The following MTG2 variants were observed in gnomAD, a reference collection of about 807,000 sequenced individuals.
The protein encoded by MTG2 is mitochondrial ribosome-associated GTPase 2.
In MTG2, 23 loss-of-function variants were observed where a neutral mutation model predicts 28.6. That is an observed-to-expected ratio of 0.80 (90% CI 0.58 to 1.14). The LOEUF (loss-of-function observed/expected upper bound fraction) is 1.14. MTG2 is among the 50% of genes most tolerant of loss of function. The pLI is 0.00. For synonymous variants in MTG2, 260 were observed against 251.8 expected (o/e 1.03, Z -0.31); for missense variants, 539 against 552.0 (o/e 0.98, Z 0.24).
At chr20:62,195,021 C>A (rs1490393279) in intron 2 of MTG2, among the ~76,000 whole-genome samples, 1 of 152,190 alleles carries the variant, frequency 6.6e-6, no homozygotes, top group Non-Finnish European at 1.5e-5. Context: ...ACGGTGAAAC[C>A]CCGTCTCTAC....
chr20:62,196,051 G>A, intron 3 of MTG2, 102 bp downstream of exon 3: 1 of 1,423,592 alleles, frequency 7.0e-7, no homozygotes, highest in Non-Finnish European at 9.5e-7. Flanking sequence ...AGTGGCTTAT[G>A]CCTGTGATCC....
chr20:62,183,289 C>T (rs182811788), intron 1 of MTG2, among the ~76,000 whole-genome samples: 1 of 152,172 alleles, frequency 6.6e-6, no homozygotes, highest in Non-Finnish European at 1.5e-5. Context: ...CGCCTTGCTC[C>T]CCGGTCCTGC....
rs12625898 is a variant in MTG2, at chr20:62,201,940, C to T, written c.*863C>T. On this transcript the variant is annotated 3_prime_UTR_variant, in exon 7 of 7. Coordinates refer to ENST00000370823, the MANE Select transcript of MTG2 (RefSeq NM_015666.4). ...GGGTATAGTGAGGAGTGGAAGGAGA[C>T]GTGTGCCTGGTAATATGGGGCGGAA... The T allele has an allele frequency of 0.13, 20,466 of 152,216 alleles. 1,911 individuals are homozygous for T. The highest frequency in any genetic ancestry group is 0.5 in the East Asian group (2,584 of 5,144). The allele number at this position is 152,216 out of a possible 1,614,324, so 9.4% of individuals were successfully genotyped here.
Position 62,193,449 on chromosome 20 carries a change from G to A in MTG2, c.29G>A (p.Arg10Lys). Residue 10 changes from arginine (R) to lysine (K), a missense_variant, in exon 2 of 7, where the codon AGA becomes AAA. Arg to Lys is a conservative substitution (Grantham distance 26, BLOSUM62 2). Coordinates refer to ENST00000370823, the MANE Select transcript of MTG2 (RefSeq NM_015666.4). MAPARCFSA[R>K]LRTVFQGVGH... ...GCACCTGCAAGGTGTTTCTCAGCAA[G>A]ATTGAGGACCGTGTTTCAGGGCGTG... 1.2e-6 allele frequency: 2 copies of A among 1,614,200 alleles called. No homozygotes were observed. The highest frequency in any genetic ancestry group is 8.5e-7 in the Non-Finnish European group (1 of 1,180,030).
Position 62,186,799 on chromosome 20 carries a change from G to C in MTG2, c.-6+3742G>C, listed in dbSNP as rs140242894. 7.6e-3 allele frequency among the ~76,000 whole-genome samples: 1,160 copies of C among 152,012 alleles called. 5 individuals carry two copies. Among genetic ancestry groups the C allele is most frequent in the Non-Finnish European group, 0.012 (807 of 67,964 alleles). The stretch of plus-strand genomic sequence containing the variant: ...CCACCTCGGCCTCCCAAAGTGCTGG[G>C]ATTACAGGCATGAGCCACCGTGCCC... On this transcript the variant is annotated intron_variant, in intron 1 of 6. Coordinates refer to ENST00000370823, the MANE Select transcript of MTG2 (RefSeq NM_015666.4).
chr20:62,195,687 C>T (rs2058044746), intron 2 of MTG2, 115 bp from the exon 3 acceptor site: 2 of 1,254,816 alleles, frequency 1.6e-6, no homozygotes, highest in Admixed American at 2.2e-5. Context: ...GTGTCATTAA[C>T]CTCTAATTTT....
intron 1 of MTG2, among the ~76,000 whole-genome samples, chr20:62,184,254 A>T (rs2057791971): frequency 6.6e-6 from 1 of 152,056 alleles, no homozygotes; most frequent in Non-Finnish European, 1.5e-5. Flanking sequence ...GCTACTGGGG[A>T]GGCTGAGGCA....
In MTG2 at chr20:62,201,034, C is replaced by G. The variant is rs759425297; in HGVS notation, c.1178C>G (p.Ala393Gly). Reference sequence around the variant, plus strand: ...CTGAAGGTGCTGTATGACGCCTACGCGGAGGCCGAGCTGGGCCAGGGCCGC... The same window carrying G: ...CTGAAGGTGCTGTATGACGCCTACGGGGAGGCCGAGCTGGGCCAGGGCCGC... The part of the protein sequence containing the change: ...LHLKVLYDAY[A>G]EAELGQGRQP... The change falls in exon 7 of 7, where the codon GCG becomes GGG. Residue 393 changes from alanine to glycine, a missense_variant. Ala to Gly is a moderately conservative substitution (Grantham distance 60). Coordinates refer to ENST00000370823, the MANE Select transcript of MTG2 (RefSeq NM_015666.4). 2 of 1,607,772 alleles carry G rather than the reference C, an allele frequency of 1.2e-6. No homozygotes were observed. Among genetic ancestry groups the G allele is most frequent in the African/African-American group, 2.7e-5 (2 of 74,912 alleles).
At chr20:62,200,577 C>T (rs1375818614) in intron 6 of MTG2, 106 bp from the exon 7 acceptor site, 1 of 1,372,380 alleles carries the variant, frequency 7.3e-7, no homozygotes, top group Non-Finnish European at 9.8e-7. Flanking sequence ...GGAAATCCGC[C>T]TTCGCAGTGG....
chr20:62,191,525 C>T (rs569641353), intron 1 of MTG2, among the ~76,000 whole-genome samples: 1 of 152,258 alleles, frequency 6.6e-6, no homozygotes, highest in South Asian at 2.1e-4. Context: ...AGCAGAATGG[C>T]CAAGGACCCC....
chr20:62,193,321 C>A, intron 1 of MTG2, 95 bp from the exon 2 acceptor site: 1 of 1,221,190 alleles, frequency 8.2e-7, no homozygotes, highest in South Asian at 1.3e-5. Context: ...CAGAAACGTG[C>A]ACAAAGACCT....
intron 1 of MTG2, among the ~76,000 whole-genome samples, chr20:62,193,137 A>G (rs937736417): frequency 6.6e-6 from 1 of 152,204 alleles, no homozygotes; most frequent in East Asian, 1.9e-4. Context: ...GAACCTTGCT[A>G]TTCCATAAGA....
chr20:62,191,870 T>TG, intron 1 of MTG2, among the ~76,000 whole-genome samples: 1 of 152,222 alleles, frequency 6.6e-6, no homozygotes, highest in East Asian at 1.9e-4. Context: ...ACTGTGCCCT[T>TG]GGCACCTGCA....
Position 62,199,335 on chromosome 20 carries a change from T to G in MTG2, c.826+78T>G, listed in dbSNP as rs2058120605. Reference sequence around the variant, plus strand: ...AAAGTAATGATGTAACTCTTAAATTTAGCTTTCTGTTTAAAATGTAGCATT... The same window carrying G: ...AAAGTAATGATGTAACTCTTAAATTGAGCTTTCTGTTTAAAATGTAGCATT... On this transcript the variant is annotated intron_variant, in intron 6 of 6. Coordinates refer to ENST00000370823, the MANE Select transcript of MTG2 (RefSeq NM_015666.4). 9.9e-6 allele frequency: 15 copies of G among 1,519,838 alleles called. No individual in the cohort carries two copies. The South Asian group carries it at 1.6e-4, about 16-fold the overall frequency. The allele number at this position is 1,519,838 out of a possible 1,614,324, so 94.1% of individuals were successfully genotyped here.
chr20:62,188,721 C>A (rs1235911901), intron 1 of MTG2: 1 of 151,812 alleles, frequency 6.6e-6, no homozygotes, highest in Non-Finnish European at 1.5e-5. Flanking sequence ...ATGTAAATAG[C>A]TGTTATACTT....
At chr20:62,191,960 TAG>T (rs1282295525) in intron 1 of MTG2, among the ~76,000 whole-genome samples, 1 of 152,198 alleles carries the variant, frequency 6.6e-6, no homozygotes, top group African/African-American at 2.4e-5. Flanking sequence ...AGCTGGCACT[TAG>T]AGTCTGCAGC....
intron 1 of MTG2, among the ~76,000 whole-genome samples, chr20:62,190,582 G>A (rs749852808): frequency 3.6e-4 from 55 of 152,124 alleles, no homozygotes; most frequent in Admixed American, 1.0e-3. Flanking sequence ...TTTTCCCTGC[G>A]TATAGAATAC....
rs1047156 is a variant in MTG2, at chr20:62,203,169, G to C, written c.*2092G>C. On this transcript the variant is annotated 3_prime_UTR_variant, in exon 7 of 7. Transcript: ENST00000370823. ...TTCATCTTGATGCTCTTGCAGGGGA[G>C]GCTCAAGATGCCTTGTGGCTCGACC... The C allele has an allele frequency of 6.6e-6, 1 of 152,086 alleles. No homozygotes were observed. The highest frequency in any genetic ancestry group is 2.4e-5 in the African/African-American group (1 of 41,390). 9.4% of individuals were successfully genotyped at this position (152,086 alleles called of 1,614,324 possible).
chr20:62,185,763 A>G (rs1343572796), intron 1 of MTG2, among the ~76,000 whole-genome samples: 1 of 152,162 alleles, frequency 6.6e-6, no homozygotes, highest in Non-Finnish European at 1.5e-5. Context: ...TTTACATTTC[A>G]GTTAATTTTA....
Sources: gnomAD v4.1 joint callset for allele counts (sites outside exome capture counted in the v4.1 genomes callset) on GRCh38, gnomAD v4.1.1 for gene constraint, MANE v1.5 for transcripts, NCBI Gene and HGNC (gene_info 2026-07-23, HGNC 2026-07-21) for gene names.